OPHN1: variants seen among roughly 807,000 people sequenced by gnomAD.
The protein encoded by OPHN1 is oligophrenin 1.
A neutral mutation model predicts 60.7 loss-of-function variants in OPHN1; 11 were observed. That is an observed-to-expected ratio of 0.18 (90% CI 0.11 to 0.30). The LOEUF is 0.30. Ranked by LOEUF, OPHN1 falls within the 10% of genes least tolerant of loss-of-function variation. The pLI is 1.00. For missense variants in OPHN1, 449 were observed against 611.0 expected, an observed-to-expected ratio of 0.73 and a Z score of 2.80; for synonymous variants, 226 against 222.6, an observed-to-expected ratio of 1.02 and a Z score of -0.14.
chrX:68,224,818 A>C (rs1733908445), intron 6 of OPHN1, among the ~76,000 whole-genome samples: 1 of 112,502 alleles, frequency 8.9e-6, no homozygotes, highest in African/African-American at 3.2e-5. Context: ...GCGACACAGA[A>C]GATGGGTGAT....
At position 68,222,736 on chromosome X, in the gene OPHN1, C is replaced by T. The variant is rs1323213453; in HGVS notation, c.487-8764G>A. Among the ~76,000 whole-genome samples, 3 of 92,023 alleles carry T rather than the reference C, an allele frequency of 3.3e-5. No homozygotes were observed. The East Asian group carries it at 1.1e-3, about 33-fold the overall frequency. 79.9% of individuals were successfully genotyped at this position (92,023 alleles called of 115,157 possible). ...AGGTGGGAATTGAACAATGAGATCA[C>T]ATGGACACAGGAAGAGGAGTATCAC... On this transcript the variant is annotated intron_variant, in intron 6 of 24. Coordinates refer to ENST00000355520, the MANE Select transcript of OPHN1 (RefSeq NM_002547.3).
At chrX:68,168,095 G>A (rs1439010781) in intron 15 of OPHN1, among the ~76,000 whole-genome samples, 4 of 110,601 alleles carry the variant, frequency 3.6e-5, no homozygotes, top group Admixed American at 9.7e-5. Context: ...ACAGATCAAC[G>A]AGACAGAACG....
intron 2 of OPHN1, among the ~76,000 whole-genome samples, chrX:68,363,090 A>G (rs932857499): frequency 9.2e-6 from 1 of 109,056 alleles, no homozygotes; most frequent in Admixed American, 1.0e-4. Context: ...TCTACTAAAA[A>G]TACAAAAATT....
intron 2 of OPHN1, among the ~76,000 whole-genome samples, chrX:68,339,622 T>G (rs771316470): frequency 8.9e-6 from 1 of 112,194 alleles, no homozygotes; most frequent in Admixed American, 9.5e-5. Context: ...TTTCTTTTTT[T>G]GAGACAGTCT....
intron 2 of OPHN1, among the ~76,000 whole-genome samples, chrX:68,400,531 G>A (rs1312479959): frequency 9.0e-6 from 1 of 111,186 alleles, no homozygotes; most frequent in Admixed American, 9.6e-5. Flanking sequence ...GAGGCCTCAG[G>A]AAACTTACAA....
intron 2 of OPHN1, among the ~76,000 whole-genome samples, chrX:68,368,318 G>A (rs1389660664): frequency 9.0e-6 from 1 of 111,192 alleles, no homozygotes; most frequent in East Asian, 2.8e-4. Flanking sequence ...ATCGCTTGAA[G>A]TCAGGAGTTG....
Position 68,202,504 on chromosome X carries a change from A to AT in OPHN1, c.934-795dup, listed in dbSNP as rs35305971. Among the ~76,000 whole-genome samples the AT allele has an allele frequency of 5.5e-3, 570 of 102,932 alleles. 5 individuals are homozygous for AT. Among genetic ancestry groups the AT allele is most frequent in the African/African-American group, 0.011 (323 of 28,311 alleles). The allele number at this position is 102,932 out of a possible 115,157, so 89.4% of individuals were successfully genotyped here. ...TACTATGTGCCATATATTACGCTAC[A>AT]TTTTTTTTTTTTTGAGACGTAGTCT... is the stretch of plus-strand genomic sequence containing the variant. On this transcript the variant is annotated intron_variant, in intron 10 of 24. Coordinates refer to ENST00000355520, the MANE Select transcript of OPHN1 (RefSeq NM_002547.3).
chrX:68,383,366 C>T (rs1198714809), intron 2 of OPHN1, among the ~76,000 whole-genome samples: 1 of 108,940 alleles, frequency 9.2e-6, no homozygotes, highest in African/African-American at 3.3e-5. Flanking sequence ...CCAAGGTGGG[C>T]AGATCACCTG....
chrX:68,336,328 AC>A (rs1309372259), intron 2 of OPHN1: 3 of 110,092 alleles, frequency 2.7e-5, no homozygotes, highest in Non-Finnish European at 5.7e-5. Context: ...TTTAAGACCA[AC>A]CTGGGCAACA....
chrX:68,201,774 C>T, intron 10 of OPHN1, 64 bp from the exon 11 acceptor site: 1 of 934,307 alleles, frequency 1.1e-6, no homozygotes, highest in Non-Finnish European at 1.5e-6. Flanking sequence ...TTTCTGCTTC[C>T]TACAGTGTCT....
At chrX:68,081,449 A>G (rs1456193749) in intron 19 of OPHN1, among the ~76,000 whole-genome samples, 1 of 111,607 alleles carries the variant, frequency 9.0e-6, no homozygotes. Flanking sequence ...GGTTGTTGTG[A>G]TGGTTGAATG....
chrX:68,188,955 C>T (rs1226129108), intron 15 of OPHN1, among the ~76,000 whole-genome samples: 1 of 111,884 alleles, frequency 8.9e-6, no homozygotes, highest in Non-Finnish European at 1.9e-5. Context: ...ATTCTAATGC[C>T]ATAATGATGA....
chrX:68,293,143 C>A (rs1188737543), intron 3 of OPHN1, among the ~76,000 whole-genome samples: 1 of 111,485 alleles, frequency 9.0e-6, no homozygotes, highest in East Asian at 2.8e-4. Context: ...TTCATTTTAG[C>A]CATTCCTCTT....
At chrX:68,248,974 G>A (rs756543314) in intron 5 of OPHN1, among the ~76,000 whole-genome samples, 5 of 111,910 alleles carry the variant, frequency 4.5e-5, no homozygotes, top group African/African-American at 6.5e-5. Context: ...TGATGGGGAG[G>A]TGGGGATGGT....
At chrX:68,169,012 A>G (rs2077374951) in intron 15 of OPHN1, among the ~76,000 whole-genome samples, 2 of 111,596 alleles carry the variant, frequency 1.8e-5, no homozygotes, top group South Asian at 7.6e-4. Flanking sequence ...GCAATAATCA[A>G]TAGTTTACCA....
intron 15 of OPHN1, among the ~76,000 whole-genome samples, chrX:68,130,956 C>T (rs1320877750): frequency 9.0e-6 from 1 of 110,819 alleles, no homozygotes; most frequent in African/African-American, 3.3e-5. Flanking sequence ...AGATTCGAGC[C>T]TTGGGGAAGA....
intron 19 of OPHN1, among the ~76,000 whole-genome samples, chrX:68,094,658 T>C (rs1036714754): frequency 5.4e-5 from 6 of 111,095 alleles, no homozygotes; most frequent in Non-Finnish European, 1.1e-4. Flanking sequence ...ACTCCCATGC[T>C]CAAAACCCCC....
At chrX:68,416,053 TATATATATATATATAGAGAGAGAG>T (rs1375774533) in intron 2 of OPHN1, among the ~76,000 whole-genome samples, 22 of 11,100 alleles carry the variant, frequency 2.0e-3, no homozygotes, top group Non-Finnish European at 3.9e-3. Context: ...TATATATATA[TATATATATATATATAGAGAGAGAG>T]AGAGAGAGAG....
intron 2 of OPHN1, among the ~76,000 whole-genome samples, chrX:68,400,803 T>C (rs1306457533): frequency 9.1e-6 from 1 of 109,787 alleles, no homozygotes; most frequent in African/African-American, 3.3e-5. Context: ...GGTTTCGCCA[T>C]GTTGGCCAGG....
Sources: gnomAD v4.1 joint callset for allele counts (sites outside exome capture counted in the v4.1 genomes callset) on GRCh38, gnomAD v4.1.1 for gene constraint, MANE v1.5 for transcripts, NCBI Gene and HGNC (gene_info 2026-07-23, HGNC 2026-07-21) for gene names.